The following MMP12 variants were observed in gnomAD, a reference collection of about 807,000 sequenced individuals.
The protein encoded by MMP12 is matrix metallopeptidase 12.
Under a neutral mutation model 45.2 loss-of-function variants are expected in MMP12, and 51 were observed. That is an observed-to-expected ratio of 1.13 (90% CI 0.90 to 1.42). The LOEUF is 1.42. MMP12 is among the 40% of genes most tolerant of loss of function. The pLI is 0.00. For missense variants in MMP12, 530 were observed against 570.8 expected (o/e 0.93, Z 0.73); for synonymous variants, 210 against 193.3 (o/e 1.09, Z -0.72).
chr11:102,872,750 A>C, intron 2 of MMP12, 115 bp downstream of exon 2: 5 of 1,114,726 alleles, frequency 4.5e-6, no homozygotes, highest in Non-Finnish European at 6.3e-6. Context: ...TAGCATTAAC[A>C]ATGGAGGGAG....
chr11:102,867,797 T>C, intron 5 of MMP12, 111 bp downstream of exon 5: 1 of 1,150,980 alleles, frequency 8.7e-7, no homozygotes, highest in Non-Finnish European at 1.2e-6. Context: ...AGGGTTCTTA[T>C]GCGGCTTAAA....
chr11:102,873,769 C>T (rs967633778), intron 1 of MMP12, among the ~76,000 whole-genome samples: 4 of 151,984 alleles, frequency 2.6e-5, no homozygotes, highest in South Asian at 2.1e-4. Flanking sequence ...TGGTGCATAC[C>T]GGTAATCCCA....
At chr11:102,864,706 A>G (rs1165061846) in intron 8 of MMP12, among the ~76,000 whole-genome samples, 4 of 152,238 alleles carry the variant, frequency 2.6e-5, no homozygotes, top group Admixed American at 2.0e-4. Context: ...AATTGAAAAT[A>G]AACACTTTTG....
At position 102,872,971 on chromosome 11, in the gene MMP12, A is replaced by C; in HGVS notation, c.244T>G (p.Ser82Ala). Reference sequence around the variant, plus strand: ...GGTGCGTGCATCATCTCCAGGGTAGATGTGTCCAGTTGCCCGGTCACTTTC... The same window carrying C: ...GGTGCGTGCATCATCTCCAGGGTAGCTGTGTCCAGTTGCCCGGTCACTTTC... ...GLKVTGQLDT[S>A]TLEMMHAPRC... Residue 82 changes from serine to alanine, a missense_variant, in exon 2 of 10, where the codon TCT (serine) becomes GCT (alanine). By Grantham distance (99) the Ser-to-Ala change is moderately conservative (BLOSUM62 1). Transcript: ENST00000571244. The C allele has an allele frequency of 5.0e-6, 8 of 1,613,718 alleles. No homozygotes were observed. Among genetic ancestry groups the C allele is most frequent in the Non-Finnish European group, 6.8e-6 (8 of 1,179,810 alleles).
intron 3 of MMP12, 21 bp from the exon 4 acceptor site, chr11:102,871,740 A>G (rs1282942902): frequency 1.9e-6 from 3 of 1,613,312 alleles, no homozygotes; most frequent in South Asian, 1.1e-5. Context: ...AGGAAAGAAA[A>G]TTAGTCCTTC....
rs1180827639 is a variant in MMP12, at chr11:102,863,112, C to T, written c.1401G>A (p.Trp467Ter). ...RITKTLKSNSWFGC is the reference protein window; with the variant it reads ...RITKTLKSNS ...AATTACACCATTTCTAACAACCAAACCAGCTATTGCTTTTCAGTGTTTTGG... is the reference window on the plus strand; with the variant it reads ...AATTACACCATTTCTAACAACCAAATCAGCTATTGCTTTTCAGTGTTTTGG... The change falls in exon 10 of 10, where the codon TGG (tryptophan) becomes TGA (stop). Residue 467 changes from tryptophan (W) to a stop codon, truncating the protein, a stop_gained. Transcript: ENST00000571244. LOFTEE classifies it high-confidence loss of function. The T allele has an allele frequency of 1.2e-6, 2 of 1,607,128 alleles. No homozygotes were observed. The highest frequency in any genetic ancestry group is 1.7e-5 in the Admixed American group (1 of 59,046).
chr11:102,872,000 T>C, intron 2 of MMP12, 48 bp from the exon 3 acceptor site: 1 of 1,546,966 alleles, frequency 6.5e-7, no homozygotes, highest in Non-Finnish European at 8.7e-7. Context: ...GCAGTGTTAT[T>C]TTGTCTTACC....
At chr11:102,872,724 T>C (rs1205822734) in intron 2 of MMP12, 141 bp downstream of exon 2, 1 of 946,926 alleles carries the variant, frequency 1.1e-6, no homozygotes, top group East Asian at 2.7e-5. Context: ...CTAGAGAAAA[T>C]GAATTTTAGC....
intron 9 of MMP12, among the ~76,000 whole-genome samples, chr11:102,863,688 G>A (rs1379545086): frequency 2.6e-5 from 4 of 152,072 alleles, no homozygotes; most frequent in Non-Finnish European, 5.9e-5. Flanking sequence ...GAAGACATAC[G>A]ATACAAACTC....
intron 9 of MMP12, among the ~76,000 whole-genome samples, chr11:102,863,649 A>G (rs1859331969): frequency 6.6e-6 from 1 of 152,146 alleles, no homozygotes; most frequent in Non-Finnish European, 1.5e-5. Flanking sequence ...TCTTGACCCC[A>G]TGAACAGTTG....
chr11:102,864,024 G>A, intron 9 of MMP12, 122 bp downstream of exon 9: 2 of 728,314 alleles, frequency 2.7e-6, no homozygotes, highest in Admixed American at 2.4e-5. Flanking sequence ...TTTCCTTGCG[G>A]CCCTATGGGG....
At position 102,867,485 on chromosome 11, in the gene MMP12, A is replaced by C. The variant is rs183336228; in HGVS notation, c.788-92T>G. 71 of 1,207,602 alleles carry C rather than the reference A, an allele frequency of 5.9e-5. No individual in the cohort carries two copies. In the African/African-American group the frequency reaches 1.0e-3, roughly 17 times the overall value. 74.8% of individuals were successfully genotyped at this position (1,207,602 alleles called of 1,614,324 possible). On this transcript the variant is annotated intron_variant, in intron 5 of 9. Transcript: ENST00000571244. ...ATGTTTTAAATACTCAATTTTCTTA[A>C]TGAACATTGCATCAAAATCATTTTA...
At chr11:102,864,597 C>T (rs1454925071) in intron 8 of MMP12, among the ~76,000 whole-genome samples, 3 of 152,164 alleles carry the variant, frequency 2.0e-5, no homozygotes, top group East Asian at 3.9e-4. Context: ...CAAAGCTATT[C>T]ACTGAGACAA....
chr11:102,872,338 G>T (rs1555009503), intron 2 of MMP12, among the ~76,000 whole-genome samples: 4 of 151,692 alleles, frequency 2.6e-5, no homozygotes, highest in Non-Finnish European at 4.4e-5. Flanking sequence ...TTTATTTGCA[G>T]ATTTTTTTTT....
At chr11:102,863,656 G>A (rs1859332076) in intron 9 of MMP12, among the ~76,000 whole-genome samples, 1 of 152,106 alleles carries the variant, frequency 6.6e-6, no homozygotes, top group South Asian at 2.1e-4. Context: ...CCCATGAACA[G>A]TTGCTTAGGC....
At chr11:102,868,279 G>A (rs1459837091) in intron 4 of MMP12, among the ~76,000 whole-genome samples, 1 of 152,092 alleles carries the variant, frequency 6.6e-6, no homozygotes, top group African/African-American at 2.4e-5. Context: ...GAAATCTCAG[G>A]TTTTACCCCT....
intron 4 of MMP12, among the ~76,000 whole-genome samples, chr11:102,869,637 G>A (rs781807895): frequency 3.9e-5 from 6 of 152,022 alleles, no homozygotes; most frequent in Non-Finnish European, 7.4e-5. Context: ...GAGGCTGGAT[G>A]CGGTGACTCA....
At chr11:102,864,725 C>G (rs562974207) in intron 8 of MMP12, among the ~76,000 whole-genome samples, 45 of 152,310 alleles carry the variant, frequency 3.0e-4, no homozygotes, top group Admixed American at 5.9e-4. Context: ...TGTTTCCAGG[C>G]TGTATGGTCA....
intron 5 of MMP12, 23 bp from the exon 6 acceptor site, chr11:102,867,416 A>G (rs1555008732): frequency 6.3e-7 from 1 of 1,590,286 alleles, no homozygotes; most frequent in Admixed American, 1.8e-5. Context: ...TTCGAGAAGC[A>G]TTAGTAAACA....
Sources: gnomAD v4.1 joint callset for allele counts (sites outside exome capture counted in the v4.1 genomes callset) on GRCh38, gnomAD v4.1.1 for gene constraint, MANE v1.5 for transcripts, NCBI Gene and HGNC (gene_info 2026-07-23, HGNC 2026-07-21) for gene names.